Variants in FGF13 observed in about 807,000 individuals in gnomAD.
FGF13 encodes fibroblast growth factor 13, also known as fibroblast growth factor homologous factor 2.
A neutral mutation model predicts 19.5 loss-of-function variants in FGF13; 2 were observed. That is an observed-to-expected ratio of 0.10 (90% CI 0.04 to 0.32). The LOEUF (loss-of-function observed/expected upper bound fraction) is 0.32, where lower values mean the gene tolerates loss of function less well. Ranked by LOEUF, FGF13 falls within the 10% of genes least tolerant of loss-of-function variation. The probability of loss-of-function intolerance (pLI) is 1.00; values close to 1 mark genes in which losing one functional copy is unlikely to be tolerated. For synonymous variants in FGF13, 72 were observed against 76.9 expected (o/e 0.94, Z 0.33); for missense variants, 113 against 192.7 (o/e 0.59, Z 2.45).
chrX:138,708,374 A>G (rs905777947), intron 2 of FGF13, among the ~76,000 whole-genome samples: 1 of 111,693 alleles, frequency 9.0e-6, no homozygotes, highest in Admixed American at 9.5e-5. Flanking sequence ...CAGAGTTATC[A>G]GTGTGTGTGT....
chrX:139,079,103 G>A (rs1490392097), intron 1 of FGF13, among the ~76,000 whole-genome samples: 1 of 112,155 alleles, frequency 8.9e-6, no homozygotes, highest in African/African-American at 3.2e-5. Context: ...CTGACATGGA[G>A]CACCGATTCG....
intron 1 of FGF13, among the ~76,000 whole-genome samples, chrX:139,183,464 G>C (rs1013539716): frequency 8.9e-6 from 1 of 111,933 alleles, no homozygotes; most frequent in Non-Finnish European, 1.9e-5. Flanking sequence ...CATGTGGGCA[G>C]ATGCCCCATG....
intron 3 of FGF13, among the ~76,000 whole-genome samples, chrX:138,779,423 T>G (rs1351401887): frequency 3.6e-5 from 4 of 109,620 alleles, no homozygotes; most frequent in African/African-American, 1.3e-4. Context: ...TGAAAAAAAT[T>G]TAGAAGAATG....
chrX:139,010,086 T>C (rs990120919), intron 1 of FGF13, among the ~76,000 whole-genome samples: 25 of 111,967 alleles, frequency 2.2e-4, no homozygotes, highest in Middle Eastern at 4.2e-3. Context: ...ATAAAAGGAC[T>C]AGTGCAAGAG....
At chrX:138,951,097 A>G (rs907948911) in intron 1 of FGF13, among the ~76,000 whole-genome samples, 22 of 111,902 alleles carry the variant, frequency 2.0e-4, no homozygotes, top group Non-Finnish European at 3.4e-4. Flanking sequence ...GAGAATTGAT[A>G]CACAGAAAGA....
intron 3 of FGF13, among the ~76,000 whole-genome samples, chrX:138,674,241 T>G (rs1173060352): frequency 3.6e-5 from 4 of 111,331 alleles, no homozygotes; most frequent in Admixed American, 1.9e-4. Context: ...TCTATGACTA[T>G]AGTTTTCTAT....
intron 1 of FGF13, among the ~76,000 whole-genome samples, chrX:139,165,861 GC>G (rs1220059236): frequency 8.9e-6 from 1 of 111,775 alleles, no homozygotes; most frequent in African/African-American, 3.3e-5. Context: ...AACAGCCTGG[GC>G]CCCTTTGTTT....
At chrX:138,985,317 CAG>C (rs2091990882) in intron 1 of FGF13, among the ~76,000 whole-genome samples, 1 of 112,082 alleles carries the variant, frequency 8.9e-6, no homozygotes, top group African/African-American at 3.2e-5. Flanking sequence ...CAGAAACACA[CAG>C]AGAGGAGAGG....
intron 1 of FGF13, among the ~76,000 whole-genome samples, chrX:138,913,897 AC>A (rs764450859): frequency 9.1e-6 from 1 of 110,264 alleles, no homozygotes; most frequent in South Asian, 4.1e-4. Context: ...TTACATCCAG[AC>A]CAACCCTCAG....
chrX:138,811,099 A>G (rs752177068), intron 3 of FGF13, among the ~76,000 whole-genome samples: 2 of 112,255 alleles, frequency 1.8e-5, no homozygotes, highest in South Asian at 7.4e-4. Flanking sequence ...TACTGGGTAT[A>G]TACTCAAAGG....
At chrX:138,814,479 T>C (rs1279192760) in intron 3 of FGF13, among the ~76,000 whole-genome samples, 3 of 110,641 alleles carry the variant, frequency 2.7e-5, no homozygotes, top group African/African-American at 6.6e-5. Context: ...ATACAAAATA[T>C]ATAAGGAACT....
chrX:138,781,493 C>A (rs1221258122), intron 3 of FGF13, among the ~76,000 whole-genome samples: 1 of 108,612 alleles, frequency 9.2e-6, no homozygotes, highest in Non-Finnish European at 1.9e-5. Context: ...ATATCACCAC[C>A]GATCCCACAG....
At chrX:138,910,336 A>G (rs1036605242) in intron 1 of FGF13, among the ~76,000 whole-genome samples, 3 of 111,038 alleles carry the variant, frequency 2.7e-5, no homozygotes, top group African/African-American at 9.8e-5. Flanking sequence ...AAGTTACAAG[A>G]AGACATTAGT....
At chrX:139,105,269 C>A (rs1190716695) in intron 1 of FGF13, among the ~76,000 whole-genome samples, 1 of 111,376 alleles carries the variant, frequency 9.0e-6, no homozygotes, top group Non-Finnish European at 1.9e-5. Flanking sequence ...GTGTAGCAGA[C>A]ACAATGTGGT....
chrX:138,870,708 A>C (rs184473943), intron 1 of FGF13, among the ~76,000 whole-genome samples: 1 of 112,661 alleles, frequency 8.9e-6, no homozygotes, highest in African/African-American at 3.2e-5. Flanking sequence ...AGTGGAGCAG[A>C]GAGATGAAAG....
At chrX:139,050,432 T>A (rs1257411279) in intron 1 of FGF13, among the ~76,000 whole-genome samples, 1 of 112,016 alleles carries the variant, frequency 8.9e-6, no homozygotes, top group Non-Finnish European at 1.9e-5. Context: ...CTGTCTGCTT[T>A]GGATTGCATG....
At chrX:139,184,098 G>T (rs1240351683) in intron 1 of FGF13, among the ~76,000 whole-genome samples, 1 of 112,206 alleles carries the variant, frequency 8.9e-6, no homozygotes, top group African/African-American at 3.2e-5. Context: ...GCTTGAATTT[G>T]CAAATCATCA....
At chrX:139,063,250 G>A (rs2092342039) in intron 1 of FGF13, among the ~76,000 whole-genome samples, 1 of 111,312 alleles carries the variant, frequency 9.0e-6, no homozygotes, top group Admixed American at 9.5e-5. Context: ...GGAGGACTAT[G>A]GATTTTTACA....
intron 1 of FGF13, among the ~76,000 whole-genome samples, chrX:138,888,271 T>C (rs1334688494): frequency 8.9e-6 from 1 of 112,021 alleles, no homozygotes; most frequent in Non-Finnish European, 1.9e-5. Flanking sequence ...TCAGGAAAAA[T>C]GCACTATAAA....
Sources: allele counts gnomAD v4.1 joint callset (sites outside exome capture counted in the v4.1 genomes callset), GRCh38; gene constraint gnomAD v4.1.1; transcripts MANE v1.5; gene names NCBI Gene and HGNC (gene_info 2026-07-23, HGNC 2026-07-21).